The following COG5 variants were observed in gnomAD, a reference collection of about 807,000 sequenced individuals.
COG5 encodes the protein component of oligomeric golgi complex 5, also known as conserved oligomeric Golgi complex subunit 5.
COG5 carries 86 observed loss-of-function variants against 110.4 expected under a neutral mutation model. The observed-to-expected ratio is 0.78, with a 90% CI of 0.65 to 0.93. The LOEUF is 0.93. COG5 is among the 40% of genes least tolerant of loss of function. COG5 has a pLI of 0.00. For synonymous variants in COG5, 360 were observed against 334.6 expected, an observed-to-expected ratio of 1.08 and a Z score of -0.83; for missense variants, 1,077 against 987.0, an observed-to-expected ratio of 1.09 and a Z score of -1.22.
At chr7:107,490,512 C>T (rs1797917071) in intron 6 of COG5, among the ~76,000 whole-genome samples, 1 of 152,046 alleles carries the variant, frequency 6.6e-6, no homozygotes, top group Admixed American at 6.6e-5. Flanking sequence ...CACATGATCA[C>T]AGATTATGAT....
At chr7:107,539,300 G>A (rs967402205) in intron 5 of COG5, among the ~76,000 whole-genome samples, 3 of 152,098 alleles carry the variant, frequency 2.0e-5, no homozygotes, top group Admixed American at 2.0e-4. Flanking sequence ...GAAATGACAT[G>A]TTATTCAAGG....
Position 107,474,844 on chromosome 7 carries a change from C to G in COG5, c.538+52393G>C, listed in dbSNP as rs145226500. ...AGCAAGAAAGAAAAAGACAATTTCTCTAACCACACAACATGAGGCTACAGA... is the reference window on the plus strand; with the variant it reads ...AGCAAGAAAGAAAAAGACAATTTCTGTAACCACACAACATGAGGCTACAGA... On this transcript the variant is annotated intron_variant, in intron 6 of 21. Coordinates refer to ENST00000297135, the MANE Select transcript of COG5 (RefSeq NM_006348.5). The surrounding 1 kb of genome is among the most constrained non-coding windows in gnomAD (Gnocchi z 5.7). 7 of 1,613,092 alleles carry G rather than the reference C, an allele frequency of 4.3e-6. No homozygotes were observed. The highest frequency in any genetic ancestry group is 1.3e-5 in the African/African-American group (1 of 74,876).
chr7:107,410,244 T>A (rs572176779), intron 7 of COG5, among the ~76,000 whole-genome samples: 1 of 152,254 alleles, frequency 6.6e-6, no homozygotes, highest in African/African-American at 2.4e-5. Context: ...TTTTAACCAG[T>A]CCTCCCATCA....
intron 6 of COG5, among the ~76,000 whole-genome samples, chr7:107,428,617 C>A (rs1286679446): frequency 6.6e-6 from 1 of 152,194 alleles, no homozygotes; most frequent in Non-Finnish European, 1.5e-5. Flanking sequence ...AAGAATAATT[C>A]TGTTGTTTTA....
intron 5 of COG5, among the ~76,000 whole-genome samples, chr7:107,539,438 C>T (rs1801820578): frequency 6.6e-6 from 1 of 152,096 alleles, no homozygotes; most frequent in Non-Finnish European, 1.5e-5. Context: ...ATTAAGAAGG[C>T]AAATACTACA....
intron 11 of COG5, among the ~76,000 whole-genome samples, chr7:107,317,223 T>C (rs1039519101): frequency 3.3e-5 from 5 of 152,088 alleles, no homozygotes; most frequent in African/African-American, 1.2e-4. Flanking sequence ...CTTAAAGGAC[T>C]TTCCAGGCCA....
chr7:107,457,670 C>G (rs1057034045), intron 6 of COG5, among the ~76,000 whole-genome samples: 3 of 146,412 alleles, frequency 2.0e-5, no homozygotes. Flanking sequence ...AAGTCGTGAT[C>G]CCCCCCGCCT....
chr7:107,436,111 G>C (rs1455779022), intron 6 of COG5, among the ~76,000 whole-genome samples: 1 of 152,176 alleles, frequency 6.6e-6, no homozygotes, highest in Non-Finnish European at 1.5e-5. Context: ...GTAGAGAATA[G>C]ACTGGTGATA....
At chr7:107,308,804 C>A (rs1467716956) in intron 11 of COG5, among the ~76,000 whole-genome samples, 1 of 151,128 alleles carries the variant, frequency 6.6e-6, no homozygotes, top group African/African-American at 2.4e-5. Flanking sequence ...TAGACAATCC[C>A]TTGCAATTGT....
intron 11 of COG5, among the ~76,000 whole-genome samples, chr7:107,316,462 A>T (rs796731610): frequency 3.9e-5 from 6 of 152,158 alleles, no homozygotes; most frequent in African/African-American, 1.4e-4. Context: ...AATTGTCCTA[A>T]TGACCCAGGA....
chr7:107,563,650 C>T (rs545556806), intron 1 of COG5, 153 bp downstream of exon 1: 1 of 815,690 alleles, frequency 1.2e-6, no homozygotes, highest in African/African-American at 1.7e-5. Flanking sequence ...TTGGCTAGAA[C>T]AGTACCCAAG....
intron 6 of COG5, among the ~76,000 whole-genome samples, chr7:107,441,405 T>C (rs1794700478): frequency 6.6e-6 from 1 of 152,076 alleles, no homozygotes; most frequent in African/African-American, 2.4e-5. Flanking sequence ...GGGGATTGAG[T>C]CCTTAACTTG....
intron 6 of COG5, among the ~76,000 whole-genome samples, chr7:107,415,851 C>CACGTATGTATGTATGTGTGTGTATAT: frequency 2.1e-5 from 1 of 46,942 alleles, no homozygotes; most frequent in Non-Finnish European, 3.5e-5. Flanking sequence ...TGTATATATA[C>CACGTATGTATGTATGTGTGTGTATAT]ACACACATAC....
chr7:107,513,467 C>A (rs192667603), intron 6 of COG5, among the ~76,000 whole-genome samples: 164 of 152,168 alleles, frequency 1.1e-3, no homozygotes, highest in African/African-American at 3.3e-3. Context: ...AAACTAGTTC[C>A]ACCATTGTGC....
intron 6 of COG5, among the ~76,000 whole-genome samples, chr7:107,424,509 T>C (rs1159826707): frequency 6.6e-6 from 1 of 151,802 alleles, no homozygotes; most frequent in Non-Finnish European, 1.5e-5. Flanking sequence ...ACAAAACTTT[T>C]TTTTTTTTTT....
chr7:107,563,545 G>A lies in COG5; in HGVS notation c.94+258C>T. ...GAAACTTCAGGGAAGCTGGAGGCAT[G>A]GGGGGGGGGGGGGTCGAGTTGAAAT... is the stretch of plus-strand genomic sequence containing the variant. On this transcript the variant is annotated intron_variant, in intron 1 of 21. Transcript: ENST00000297135. 3.8e-4 allele frequency: 28 copies of A among 73,444 alleles called. 2 individuals are homozygous for A. The highest frequency in any genetic ancestry group is 3.7e-3 in the South Asian group (27 of 7,314). The allele number at this position is 73,444 out of a possible 1,614,324, so 4.5% of individuals were successfully genotyped here.
chr7:107,275,908 GT>G (rs1365590836), intron 14 of COG5, among the ~76,000 whole-genome samples: 1 of 152,044 alleles, frequency 6.6e-6, no homozygotes, highest in South Asian at 2.1e-4. Flanking sequence ...ACACATGTAT[GT>G]TTTTTTCCAT....
chr7:107,223,020 T>C (rs1450653397), intron 19 of COG5, among the ~76,000 whole-genome samples: 1 of 152,238 alleles, frequency 6.6e-6, no homozygotes, highest in Non-Finnish European at 1.5e-5. Flanking sequence ...CTGCTGCTCC[T>C]GTGTCCACAT....
At chr7:107,537,880 A>C (rs1304760138) in intron 5 of COG5, among the ~76,000 whole-genome samples, 1 of 152,218 alleles carries the variant, frequency 6.6e-6, no homozygotes, top group Non-Finnish European at 1.5e-5. Context: ...CAAAATGACA[A>C]TGAGATACTA....
Sources: allele counts gnomAD v4.1 joint callset (sites outside exome capture counted in the v4.1 genomes callset), GRCh38; gene constraint gnomAD v4.1.1; non-coding constraint Gnocchi (gnomAD v3.1); transcripts MANE v1.5; gene names NCBI Gene and HGNC (gene_info 2026-07-23, HGNC 2026-07-21).